The following CCDC91 variants were observed in gnomAD, a reference collection of about 807,000 sequenced individuals.
CCDC91 encodes the protein coiled-coil domain-containing protein 91.
A neutral mutation model predicts 63.2 loss-of-function variants in CCDC91; 48 were observed. The observed-to-expected ratio is 0.76, with a 90% CI of 0.60 to 0.97. The LOEUF is 0.97. CCDC91 is among the 50% of genes least tolerant of loss of function. CCDC91 has a pLI of 0.00. For missense variants in CCDC91, 500 were observed against 494.6 expected (o/e 1.01, Z -0.10); for synonymous variants, 167 against 165.8 (o/e 1.01, Z -0.06).
intron 12 of CCDC91, among the ~76,000 whole-genome samples, chr12:28,498,355 G>C (rs1952424277): frequency 6.6e-6 from 1 of 151,538 alleles, no homozygotes; most frequent in Admixed American, 6.6e-5. Context: ...TGTGAACAAG[G>C]CATGTTCTTC....
intron 11 of CCDC91, among the ~76,000 whole-genome samples, chr12:28,482,960 A>G (rs1280766542): frequency 6.6e-6 from 1 of 152,002 alleles, no homozygotes; most frequent in African/African-American, 2.4e-5. Flanking sequence ...GTCTCCAGAA[A>G]ATGTCCAAGA....
chr12:28,265,486 T>A (rs1947125560), intron 3 of CCDC91, among the ~76,000 whole-genome samples: 1 of 152,062 alleles, frequency 6.6e-6, no homozygotes, highest in Middle Eastern at 3.2e-3. Context: ...AACATTTTTC[T>A]CAAGACATTG....
At chr12:28,377,114 C>A (rs1255158626) in intron 7 of CCDC91, among the ~76,000 whole-genome samples, 1 of 150,886 alleles carries the variant, frequency 6.6e-6, no homozygotes, top group East Asian at 1.9e-4. Flanking sequence ...TCCTCTCTTC[C>A]CCCTATTTTT....
At chr12:28,375,394 G>C (rs1400258231) in intron 7 of CCDC91, among the ~76,000 whole-genome samples, 1 of 151,728 alleles carries the variant, frequency 6.6e-6, no homozygotes, top group Non-Finnish European at 1.5e-5. Flanking sequence ...TCTTATTTCA[G>C]TCTTCTTAGA....
chr12:28,391,522 A>G (rs563449014), intron 8 of CCDC91, 111 bp downstream of exon 8: 5 of 595,274 alleles, frequency 8.4e-6, no homozygotes, highest in Admixed American at 3.5e-5. Context: ...TGTATTTTGG[A>G]GAAAAAATGT....
intron 11 of CCDC91, among the ~76,000 whole-genome samples, chr12:28,476,112 A>G (rs993227009): frequency 2.0e-5 from 3 of 151,966 alleles, no homozygotes; most frequent in Non-Finnish European, 4.4e-5. Flanking sequence ...TAAGAATGGA[A>G]TTTTGGACAA....
intron 11 of CCDC91, among the ~76,000 whole-genome samples, chr12:28,469,104 A>T (rs1349747587): frequency 6.6e-6 from 1 of 152,104 alleles, no homozygotes; most frequent in African/African-American, 2.4e-5. Context: ...AGACAAGAAA[A>T]AGAATAAAAG....
At chr12:28,256,902 AT>A in intron 1 of CCDC91, 2 of 277,206 alleles carry the variant, frequency 7.2e-6, no homozygotes, top group South Asian at 1.0e-4. Flanking sequence ...AGCAGGAAGC[AT>A]TATTGAATTG....
chr12:28,401,980 C>CT (rs1326406547), intron 8 of CCDC91, among the ~76,000 whole-genome samples: 2 of 152,220 alleles, frequency 1.3e-5, no homozygotes, highest in African/African-American at 2.4e-5. Flanking sequence ...ATAGAAAAGA[C>CT]TATCGATTAC....
At chr12:28,250,499 A>T (rs754857891) in intron 1 of CCDC91, among the ~76,000 whole-genome samples, 22 of 152,108 alleles carry the variant, frequency 1.4e-4, no homozygotes, top group Non-Finnish European at 2.8e-4. Flanking sequence ...TGGACACTTG[A>T]TGAGAATATA....
intron 1 of CCDC91, among the ~76,000 whole-genome samples, chr12:28,245,607 G>T (rs1283892507): frequency 1.3e-5 from 2 of 151,948 alleles, no homozygotes; most frequent in Non-Finnish European, 2.9e-5. Context: ...TTAATATCAA[G>T]AATTATTTTA....
chr12:28,191,597 C>T (rs1205342201), intron 1 of CCDC91, among the ~76,000 whole-genome samples: 1 of 151,642 alleles, frequency 6.6e-6, no homozygotes, highest in Non-Finnish European at 1.5e-5. Flanking sequence ...TTGGAGTGGG[C>T]TGACATTTTA....
At chr12:28,243,251 T>G (rs1339115739) in intron 1 of CCDC91, among the ~76,000 whole-genome samples, 1 of 152,188 alleles carries the variant, frequency 6.6e-6, no homozygotes, top group East Asian at 1.9e-4. Context: ...TGTATCCAGC[T>G]GTCCCATAGG....
intron 3 of CCDC91, among the ~76,000 whole-genome samples, chr12:28,271,958 G>C (rs1439137602): frequency 2.0e-5 from 3 of 150,130 alleles, no homozygotes; most frequent in Non-Finnish European, 4.4e-5. Context: ...ATTATTAGCA[G>C]TATTATGCTT....
intron 3 of CCDC91, among the ~76,000 whole-genome samples, chr12:28,292,901 T>A (rs892490549): frequency 1.3e-5 from 2 of 152,178 alleles, no homozygotes; most frequent in Non-Finnish European, 2.9e-5. Flanking sequence ...TTACGTTGTG[T>A]GTACTCTGGA....
chr12:28,194,759 G>A (rs1205974699), intron 1 of CCDC91, among the ~76,000 whole-genome samples: 1 of 151,860 alleles, frequency 6.6e-6, no homozygotes, highest in Non-Finnish European at 1.5e-5. Context: ...CTCCCAGTGG[G>A]TTTGTGGTCT....
chr12:28,474,484 A>G (rs574417667), intron 11 of CCDC91, among the ~76,000 whole-genome samples: 1 of 152,234 alleles, frequency 6.6e-6, no homozygotes, highest in East Asian at 1.9e-4. Flanking sequence ...GCTCATTGGT[A>G]GTAGATTGCT....
intron 8 of CCDC91, among the ~76,000 whole-genome samples, chr12:28,402,566 CACAG>C (rs1946699814): frequency 1.0e-5 from 1 of 96,636 alleles, no homozygotes; most frequent in African/African-American, 4.4e-5. Flanking sequence ...GGATTTTCTA[CACAG>C]ACAATCATGT....
rs1367146970 is a variant in CCDC91 at position 28,493,606 on chromosome 12, C to T, written c.1215+9441C>T. 3.3e-5 allele frequency among the ~76,000 whole-genome samples: 5 copies of T among 151,790 alleles called. No homozygotes were observed. The South Asian group carries it at 6.2e-4, about 19-fold the overall frequency. On this transcript the variant is annotated intron_variant, in intron 12 of 12. Transcript: ENST00000536442. ...TTCAAAAAGTGCTAAAACAAGAAAA[C>T]TTAATAAACATACACTACCTGGCTG...
Sources: allele counts gnomAD v4.1 joint callset (sites outside exome capture counted in the v4.1 genomes callset), GRCh38; gene constraint gnomAD v4.1.1; transcripts MANE v1.5; gene names NCBI Gene and HGNC (gene_info 2026-07-23, HGNC 2026-07-21).